Variants in GGA2 observed in about 807,000 individuals in gnomAD.
GGA2 encodes golgi associated, gamma adaptin ear containing, ARF binding protein 2.
In GGA2, 48 loss-of-function variants were observed where a neutral mutation model predicts 79.5. The observed-to-expected ratio is 0.60, with a 90% CI of 0.48 to 0.77. GGA2 has a LOEUF of 0.77. Among genes scored for constraint, GGA2 ranks in the 30% least tolerant of loss-of-function variants. The pLI, the probability that GGA2 is intolerant of heterozygous loss-of-function variation, is 0.00. For missense variants in GGA2, 770 were observed against 774.0 expected (o/e 0.99, Z 0.06); for synonymous variants, 317 against 302.0 (o/e 1.05, Z -0.51).
chr16:23,497,031 A>G (rs1226462285), intron 1 of GGA2, among the ~76,000 whole-genome samples: 2 of 34,158 alleles, frequency 5.9e-5, no homozygotes, highest in East Asian at 4.6e-4. Flanking sequence ...GCTGAAGTGG[A>G]AAGACTGCGG....
intron 2 of GGA2, among the ~76,000 whole-genome samples, chr16:23,516,802 T>C (rs4967958): frequency 0.82 from 123,437 of 151,454 alleles, 50,248 homozygotes; most frequent in Middle Eastern, 0.89. Context: ...GGCTAAAAAT[T>C]TGGAAGTTGA....
intron 1 of GGA2, among the ~76,000 whole-genome samples, chr16:23,520,073 C>T (rs988588556): frequency 6.6e-6 from 1 of 151,794 alleles, no homozygotes. Context: ...ATGGAGAAAC[C>T]CCGTCTCTAC....
chr16:23,491,707 G>C lies in GGA2; in HGVS notation c.445C>G (p.Arg149Gly). The change falls in exon 5 of 17, where the codon CGA (arginine) becomes GGA (glycine). Residue 149 changes from arginine (R) to glycine (G), a missense_variant. Transcript: ENST00000309859. Reference sequence around the variant, plus strand: ...TTCTTCAGCATCTGATAAGCGTCTCGAATCTTGATGTCTTCCGGAAACCAG... The same window carrying C: ...TTCTTCAGCATCTGATAAGCGTCTCCAATCTTGATGTCTTCCGGAAACCAG... ...TVWFPEDIKI[R>G]DAYQMLKKQG... is the part of the protein sequence containing the mutation. 2.5e-6 allele frequency: 4 copies of C among 1,612,476 alleles called. No individual in the cohort carries two copies. The highest frequency in any genetic ancestry group is 1.3e-5 in the African/African-American group (1 of 74,976).
rs201252667 is a variant in GGA2 at position 23,519,371 on chromosome 16, G to A, written c.61+216C>T. Among the ~76,000 whole-genome samples the A allele has an allele frequency of 1.3e-4, 20 of 152,054 alleles. No homozygotes were observed. In the East Asian group the frequency reaches 2.5e-3, roughly 19 times the overall value. ...GAAAAGATACTCTCTAAACAACACC[G>A]AAAAAGAACACGCTCAGGGGAAGGA... On this transcript the variant is annotated intron_variant, in intron 2 of 5. Coordinates refer to the GGA2 transcript ENST00000569300.
intron 5 of GGA2, among the ~76,000 whole-genome samples, chr16:23,491,300 T>C (rs1341336919): frequency 1.5e-5 from 2 of 132,350 alleles, no homozygotes; most frequent in East Asian, 2.1e-4. Flanking sequence ...GGGCAACACC[T>C]TGTCTCAAAA....
exon 2 of GGA2, chr16:23,519,606 G>T (rs780628965): frequency 4.7e-6 from 2 of 427,706 alleles, no homozygotes; most frequent in South Asian, 3.3e-5. Flanking sequence ...TAGGGCAGCT[G>T]TTGGCCAACT....
chr16:23,504,061 A>C (rs964192889), intron 1 of GGA2, among the ~76,000 whole-genome samples: 1 of 151,920 alleles, frequency 6.6e-6, no homozygotes, highest in African/African-American at 2.4e-5. Context: ...AGCCTGGGTA[A>C]TAAGAGTGAA....
chr16:23,492,554 G>C (rs1244062499), intron 4 of GGA2, among the ~76,000 whole-genome samples: 1 of 152,240 alleles, frequency 6.6e-6, no homozygotes, highest in Middle Eastern at 3.2e-3. Flanking sequence ...TACGTTGGGA[G>C]GATGGCAAGC....
In GGA2 at chr16:23,491,759, G is replaced by T. The variant is rs1363542565; in HGVS notation, c.393C>A (p.Val131=). Residue 131 remains valine (V), a synonymous_variant, in exon 5 of 17, where the codon GTC becomes GTA. Transcript: ENST00000309859. ...CTGTCCAACTGAAGAGTATTTCAAT[G>T]ACTCTTCCTTTAACTTTTCCTGTGG... ...SWATGKVKGR[V]IEILFSWTVW... 1.2e-6 allele frequency: 2 copies of T among 1,607,930 alleles called. No individual in the cohort carries two copies. Among genetic ancestry groups the T allele is most frequent in the Admixed American group, 1.7e-5 (1 of 59,996 alleles).
rs186116343 is a variant in GGA2 at position 23,475,293 on chromosome 16, G to A, written c.1293-232C>T. 6.2e-3 allele frequency among the ~76,000 whole-genome samples: 935 copies of A among 150,352 alleles called. 41 individuals carry two copies. Among genetic ancestry groups the A allele is most frequent in the Admixed American group, 0.057 (857 of 15,014 alleles). On this transcript the variant is annotated intron_variant, in intron 13 of 16. Coordinates refer to ENST00000309859, the MANE Select transcript of GGA2 (RefSeq NM_015044.4). Reference sequence around the variant, plus strand: ...CAACCTCTGCCTCCCAGGCTCAAGCGATTCTCCTGACTCAGCCTCCCGAGT... The same window carrying A: ...CAACCTCTGCCTCCCAGGCTCAAGCAATTCTCCTGACTCAGCCTCCCGAGT...
intron 14 of GGA2, 58 bp downstream of exon 14, chr16:23,474,846 G>A: frequency 7.9e-7 from 1 of 1,271,582 alleles, no homozygotes; most frequent in South Asian, 1.2e-5. Flanking sequence ...AAAAAGCTGG[G>A]AGTCTAATAG....
At chr16:23,471,044 G>A (rs1427322647) in intron 14 of GGA2, among the ~76,000 whole-genome samples, 1 of 151,794 alleles carries the variant, frequency 6.6e-6, no homozygotes, top group Non-Finnish European at 1.5e-5. Context: ...TGGTCAGGCT[G>A]GGGGAGGTCA....
intron 1 of GGA2, among the ~76,000 whole-genome samples, chr16:23,509,464 G>A (rs980368226): frequency 6.6e-6 from 1 of 152,138 alleles, no homozygotes; most frequent in African/African-American, 2.4e-5. Flanking sequence ...TTAGTAAGGT[G>A]ATGTGACTGC....
chr16:23,472,531 A>G (rs1309973522), intron 14 of GGA2, among the ~76,000 whole-genome samples: 1 of 151,468 alleles, frequency 6.6e-6, no homozygotes, highest in Non-Finnish European at 1.5e-5. Flanking sequence ...ACAGGTAGAA[A>G]GAAATTGACC....
chr16:23,486,968 G>A lies in GGA2; in HGVS notation c.580-178C>T, dbSNP rs537660749. 9.6e-5 allele frequency among the ~76,000 whole-genome samples: 14 copies of A among 145,518 alleles called. No homozygotes were observed. The South Asian group carries it at 2.8e-3, about 29-fold the overall frequency. ...ACTCTGACTATCCCAATACACCACT[G>A]GTTTTCTTTTCTGTTGTTTTTTTTT... On this transcript the variant is annotated intron_variant, in intron 6 of 16. Transcript: ENST00000309859.
chr16:23,491,141 A>G (rs1964780135), intron 5 of GGA2, among the ~76,000 whole-genome samples: 1 of 151,566 alleles, frequency 6.6e-6, no homozygotes, highest in South Asian at 2.1e-4. Flanking sequence ...GTGGGAGAAT[A>G]ATAATAAATG....
Position 23,489,727 on chromosome 16 carries a change from AG to A in GGA2, c.476-1019del, listed in dbSNP as rs145211258. ...TACCAAGAGAATACAGAATTTCTGG[AG>A]GCTGCAACAAAAAGAAAATAAGCTC... On this transcript the variant is annotated intron_variant, in intron 5 of 16. Coordinates refer to ENST00000309859, the MANE Select transcript of GGA2 (RefSeq NM_015044.4). Among the ~76,000 whole-genome samples, 866 of 152,334 alleles carry A rather than the reference AG, an allele frequency of 5.7e-3. 3 individuals carry two copies. The highest frequency in any genetic ancestry group is 1.0e-2 in the Non-Finnish European group (680 of 68,020).
intron 2 of GGA2, among the ~76,000 whole-genome samples, chr16:23,517,236 T>TCTGGG (rs1277437311): frequency 4.6e-3 from 20 of 4,394 alleles, no homozygotes; most frequent in South Asian, 0.012. Context: ...TTTTTCTTTT[T>TCTGGG]TTTTTTTTTT....
intron 1 of GGA2, among the ~76,000 whole-genome samples, chr16:23,509,236 A>G (rs934155406): frequency 3.9e-5 from 6 of 152,000 alleles, no homozygotes; most frequent in African/African-American, 1.5e-4. Flanking sequence ...TCTCGCCCCA[A>G]TTAGCCGTGC....
Sources: gnomAD v4.1 joint callset for allele counts (sites outside exome capture counted in the v4.1 genomes callset) on GRCh38, gnomAD v4.1.1 for gene constraint, MANE v1.5 for transcripts, NCBI Gene and HGNC (gene_info 2026-07-23, HGNC 2026-07-21) for gene names.